ATP10B: variants seen among roughly 807,000 people sequenced by gnomAD.
The protein encoded by ATP10B is ATPase phospholipid transporting 10B (putative).
A neutral mutation model predicts 141.2 loss-of-function variants in ATP10B; 122 were observed. The ratio of observed to expected loss-of-function variants is 0.86; its 90% CI spans 0.75 to 1.00. ATP10B has a LOEUF of 1.00. Ranked by LOEUF, ATP10B falls within the 50% of genes least tolerant of loss-of-function variation. The probability of loss-of-function intolerance (pLI) is 0.00; values close to 1 mark genes in which losing one functional copy is unlikely to be tolerated. For missense variants in ATP10B, 1,876 were observed against 1,825.3 expected, an observed-to-expected ratio of 1.03 and a Z score of -0.51; for synonymous variants, 685 against 692.0, an observed-to-expected ratio of 0.99 and a Z score of 0.16.
chr5:160,750,428 C>G (rs906561201), intron 2 of ATP10B, among the ~76,000 whole-genome samples: 1 of 152,200 alleles, frequency 6.6e-6, no homozygotes, highest in Non-Finnish European at 1.5e-5. Context: ...ACTCAGTCAT[C>G]CAGCAACATG....
At chr5:160,594,493 T>C (rs944638902) in intron 22 of ATP10B, among the ~76,000 whole-genome samples, 1 of 152,018 alleles carries the variant, frequency 6.6e-6, no homozygotes, top group African/African-American at 2.4e-5. Context: ...ACAAGCAAAA[T>C]AACCAGCTAA....
At chr5:160,907,095 G>T in the ATP10B span, among the ~76,000 whole-genome samples, 1 of 152,162 alleles carries the variant, frequency 6.6e-6, no homozygotes, top group African/African-American at 2.4e-5. Flanking sequence ...CCAGCCTTCA[G>T]TTTGCCAAGG....
At chr5:160,721,913 C>G (rs1766024360) in intron 2 of ATP10B, among the ~76,000 whole-genome samples, 1 of 152,150 alleles carries the variant, frequency 6.6e-6, no homozygotes, top group Non-Finnish European at 1.5e-5. Flanking sequence ...ACAACTGGAT[C>G]CAGACTACCT....
intron 1 of ATP10B, among the ~76,000 whole-genome samples, chr5:160,794,229 G>C (rs1195750171): frequency 6.6e-6 from 1 of 152,118 alleles, no homozygotes; most frequent in Non-Finnish European, 1.5e-5. Context: ...AAGGATCAGG[G>C]GAGCAGTTAA....
chr5:160,864,536 T>C, the ATP10B span, among the ~76,000 whole-genome samples: 1 of 151,832 alleles, frequency 6.6e-6, no homozygotes, highest in African/African-American at 2.4e-5. Context: ...CCCATTTTCA[T>C]TACTTCTATT....
chr5:160,823,712 T>G (rs1205278771), intron 1 of ATP10B, among the ~76,000 whole-genome samples: 2 of 152,006 alleles, frequency 1.3e-5, no homozygotes, highest in African/African-American at 4.8e-5. Context: ...CAGCCGCCTG[T>G]AGTCCCAGCT....
the ATP10B span, among the ~76,000 whole-genome samples, chr5:160,887,609 TCTCTGAC>T: frequency 6.6e-6 from 1 of 152,124 alleles, no homozygotes. Flanking sequence ...CTCCATTACT[TCTCTGAC>T]CTCAACCTTG....
At chr5:160,753,655 C>G (rs1010214447) in intron 2 of ATP10B, among the ~76,000 whole-genome samples, 1 of 152,158 alleles carries the variant, frequency 6.6e-6, no homozygotes, top group East Asian at 1.9e-4. Context: ...ATTTTCCCAA[C>G]AGCTATTATG....
At chr5:160,880,414 G>A in the ATP10B span, among the ~76,000 whole-genome samples, 5 of 151,886 alleles carry the variant, frequency 3.3e-5, no homozygotes, top group African/African-American at 4.8e-5. Flanking sequence ...TCAAAATTCC[G>A]AGAAGTTCTT....
chr5:160,636,384 G>T, intron 10 of ATP10B, 75 bp from the exon 11 acceptor site: 1 of 1,487,868 alleles, frequency 6.7e-7, no homozygotes, highest in South Asian at 1.3e-5. Flanking sequence ...ACCAGCCCTT[G>T]ACACATTCCT....
chr5:160,650,268 A>G (rs1326132629), intron 7 of ATP10B, among the ~76,000 whole-genome samples: 2 of 152,040 alleles, frequency 1.3e-5, no homozygotes, highest in African/African-American at 4.8e-5. Flanking sequence ...GTGTAGGTAT[A>G]TACATGTGTA....
At chr5:160,827,317 G>A (rs1282282571) in intron 1 of ATP10B, among the ~76,000 whole-genome samples, 1 of 152,162 alleles carries the variant, frequency 6.6e-6, no homozygotes, top group Non-Finnish European at 1.5e-5. Flanking sequence ...AACCTTGCCT[G>A]CATCTGTTTT....
chr5:160,666,662 C>T (rs928292489), intron 7 of ATP10B, among the ~76,000 whole-genome samples: 1 of 152,080 alleles, frequency 6.6e-6, no homozygotes, highest in Non-Finnish European at 1.5e-5. Context: ...CCTATGGTAC[C>T]GAGTTAGCCA....
chr5:160,778,808 G>A (rs1036342795), intron 2 of ATP10B, among the ~76,000 whole-genome samples: 3 of 152,304 alleles, frequency 2.0e-5, no homozygotes, highest in African/African-American at 7.2e-5. Flanking sequence ...CCAGAGAGGC[G>A]AAAGGCACAG....
At chr5:160,641,114 A>G (rs1374384831) in intron 9 of ATP10B, among the ~76,000 whole-genome samples, 1 of 152,242 alleles carries the variant, frequency 6.6e-6, no homozygotes, top group Non-Finnish European at 1.5e-5. Flanking sequence ...AATAAATAAT[A>G]TACAGTAAAC....
At chr5:160,836,391 C>G (rs1561910033) in intron 1 of ATP10B, among the ~76,000 whole-genome samples, 1 of 152,022 alleles carries the variant, frequency 6.6e-6, no homozygotes, top group Non-Finnish European at 1.5e-5. Context: ...CTAGTGCTGA[C>G]TGAATTATTT....
At chr5:160,882,454 AT>A in the ATP10B span, among the ~76,000 whole-genome samples, 2 of 151,784 alleles carry the variant, frequency 1.3e-5, no homozygotes, top group Admixed American at 6.6e-5. Flanking sequence ...TAAAAATTTT[AT>A]TTTTTTTGTA....
intron 3 of ATP10B, among the ~76,000 whole-genome samples, chr5:160,698,588 G>A (rs184033825): frequency 9.2e-4 from 140 of 152,282 alleles, no homozygotes; most frequent in African/African-American, 3.1e-3. Context: ...CATTGGTATT[G>A]TAAAGGGAGC....
chr5:160,596,839 A>G (rs1413480629), intron 22 of ATP10B, among the ~76,000 whole-genome samples: 1 of 152,232 alleles, frequency 6.6e-6, no homozygotes, highest in Non-Finnish European at 1.5e-5. Flanking sequence ...CTTACAAGGG[A>G]CGTGAAGGAC....
Sources: gnomAD v4.1 joint callset for allele counts (sites outside exome capture counted in the v4.1 genomes callset) on GRCh38, gnomAD v4.1.1 for gene constraint, MANE v1.5 for transcripts, NCBI Gene and HGNC (gene_info 2026-07-23, HGNC 2026-07-21) for gene names.